FSIP2: variants seen among roughly 807,000 people sequenced by gnomAD.
FSIP2 encodes fibrous sheath interacting protein 2.
FSIP2 carries 367 observed loss-of-function variants against 510.5 expected under a neutral mutation model. The observed-to-expected ratio is 0.72, with a 90% confidence interval of 0.66 to 0.78. The LOEUF (loss-of-function observed/expected upper bound fraction) is 0.78, where lower values mean the gene tolerates loss of function less well. FSIP2 is among the 30% of genes least tolerant of loss of function. FSIP2 has a pLI of 0.00. For missense variants in FSIP2, 7,594 were observed against 7,901.7 expected, an observed-to-expected ratio of 0.96 and a Z score of 1.48; for synonymous variants, 2,601 against 2,732.2, an observed-to-expected ratio of 0.95 and a Z score of 1.50.
chr2:185,822,897 C>T (rs571591375), intron 19 of FSIP2, among the ~76,000 whole-genome samples: 2 of 151,972 alleles, frequency 1.3e-5, no homozygotes, highest in East Asian at 3.9e-4. Flanking sequence ...CAGAGATAAA[C>T]TCTTCCATAC....
At chr2:185,755,494 G>A (rs1559012501) in intron 8 of FSIP2, among the ~76,000 whole-genome samples, 1 of 151,538 alleles carries the variant, frequency 6.6e-6, no homozygotes, top group East Asian at 1.9e-4. Context: ...ATGAAAATGA[G>A]TTTAATTTAT....
chr2:185,828,301 G>A, intron 21 of FSIP2, 102 bp downstream of exon 21: 1 of 695,142 alleles, frequency 1.4e-6, no homozygotes, highest in East Asian at 2.7e-5. Flanking sequence ...TGATTTGAAG[G>A]ATATCAGAAA....
At position 185,818,770 on chromosome 2, in the gene FSIP2, A is replaced by G. The variant is rs77773919; in HGVS notation, c.20426+3299A>G. On this transcript the variant is annotated intron_variant, in intron 19 of 22. Transcript: ENST00000424728. ...AAATTAAGACATTCCAAGACAAGGA[A>G]AGGCTGAGGGAGTTCATTAACACTA... is the stretch of plus-strand genomic sequence containing the variant. Among the ~76,000 whole-genome samples, 829 of 152,038 alleles carry G rather than the reference A, an allele frequency of 5.5e-3. 5 individuals are homozygous for G. The highest frequency in any genetic ancestry group is 0.019 in the African/African-American group (795 of 41,556).
intron 4 of FSIP2, chr2:185,744,752 G>A (rs1371401197): frequency 1.3e-5 from 2 of 153,478 alleles, no homozygotes; most frequent in Middle Eastern, 3.1e-3. Context: ...ACCTAAAACA[G>A]TTTGAGCCAT....
rs550809107 is a variant in FSIP2, at chr2:185,742,587, A to G, written c.226-546A>G. On this transcript the variant is annotated intron_variant, in intron 2 of 22. Coordinates refer to ENST00000424728, the MANE Select transcript of FSIP2 (RefSeq NM_173651.4). ...GAGATTGTTGGTTCCTTGCATTAAA[A>G]ACCTCAAGATGCAATGACTCTTTAA... 2.6e-5 allele frequency among the ~76,000 whole-genome samples: 4 copies of G among 152,262 alleles called. No homozygotes were observed. The South Asian group carries it at 8.3e-4, about 32-fold the overall frequency.
Position 185,805,758 on chromosome 2 carries a change from A to G in FSIP2, c.16452A>G (p.Lys5484=). The change falls in exon 17 of 23, where the codon AAA becomes AAG. Residue 5484 remains lysine (K), a synonymous_variant. Transcript: ENST00000424728. Reference sequence around the variant, plus strand: ...AAACCAAGGACACATCAGTGAAAAAAGGTGACATCCAAAATCCAGTACTTA... The same window carrying G: ...AAACCAAGGACACATCAGTGAAAAAGGGTGACATCCAAAATCCAGTACTTA... ...SFKTKDTSVK[K]GDIQNPVLSS... 2 of 1,600,244 alleles carry G rather than the reference A, an allele frequency of 1.2e-6. No individual in the cohort carries two copies. The highest frequency in any genetic ancestry group is 1.7e-6 in the Non-Finnish European group (2 of 1,175,698).
chr2:185,752,067 A>ATT (rs34440618), intron 7 of FSIP2, among the ~76,000 whole-genome samples: 4 of 148,992 alleles, frequency 2.7e-5, no homozygotes, highest in Admixed American at 6.7e-5. Flanking sequence ...ATCTGCTATC[A>ATT]TTTTTTTTTC....
In FSIP2 at chr2:185,807,306, TTCA is replaced by T. The variant is rs774956774; in HGVS notation, c.18004_18006del (p.Ser6002del). On this transcript the variant is annotated inframe_deletion, in exon 17 of 23. Coordinates refer to ENST00000424728, the MANE Select transcript of FSIP2 (RefSeq NM_173651.4). ...AAACAGCCAGCAAAGAATGTCAAAC[TTCA>T]TCACCATATACAATAATATTACCTC... The T allele has an allele frequency of 3.7e-6, 6 of 1,612,774 alleles. No homozygotes were observed. In the South Asian group the frequency reaches 6.6e-5, roughly 18 times the overall value.
chr2:185,800,023 A>G lies in FSIP2; in HGVS notation c.10717A>G (p.Ile3573Val). ...TATTAAAATTCTTTTTAATAATAAA[A>G]TTATACAGGCTGACATTGCACAGAA... ...IIIKILFNNK[I>V]IQADIAQKMV... Residue 3573 changes from isoleucine (I) to valine (V), a missense_variant, in exon 17 of 23, where the codon ATT becomes GTT. Physicochemically the swap from Ile to Val is conservative, Grantham distance 29. Coordinates refer to ENST00000424728, the MANE Select transcript of FSIP2 (RefSeq NM_173651.4). 6.6e-7 allele frequency: 1 copy of G among 1,521,042 alleles called. No homozygotes were observed. Among genetic ancestry groups the G allele is most frequent in the Non-Finnish European group, 8.8e-7 (1 of 1,137,658 alleles). 94.2% of individuals were successfully genotyped at this position (1,521,042 alleles called of 1,614,324 possible). A position where few individuals can be genotyped will look rare whatever the true frequency, so the allele number is the denominator to read the frequency against.
In FSIP2 at chr2:185,800,477, G is replaced by T. The variant is rs181404625; in HGVS notation, c.11171G>T (p.Arg3724Ile). ...DTGMDSGKIQ[R>I]TYFYSSNNEQ... ...GGTATGGATTCTGGTAAAATACAAA[G>T]AACATATTTCTACTCCTCGAATAAT... is the stretch of plus-strand genomic sequence containing the variant. The change falls in exon 17 of 23, where the codon AGA becomes ATA. Residue 3724 changes from arginine to isoleucine, a missense_variant. Coordinates refer to ENST00000424728, the MANE Select transcript of FSIP2 (RefSeq NM_173651.4). 7.0e-5 allele frequency: 107 copies of T among 1,533,150 alleles called. No homozygotes were observed. In the East Asian group the frequency reaches 2.4e-3, roughly 34 times the overall value. 95.0% of individuals were successfully genotyped at this position (1,533,150 alleles called of 1,614,324 possible).
chr2:185,771,086 C>T (rs1692598563), intron 13 of FSIP2, among the ~76,000 whole-genome samples: 1 of 152,182 alleles, frequency 6.6e-6, no homozygotes, highest in Non-Finnish European at 1.5e-5. Context: ...ATTAGGCAGC[C>T]CCACCACTGT....
Position 185,794,979 on chromosome 2 carries a change from G to C in FSIP2, c.7843G>C (p.Val2615Leu). ...TTATGTCGACAGTCAAAATATCTCT[G>C]TGATGGAAAACACTCTTTTGCCATA... ...YSYVDSQNIS[V>L]MENTLLPYLP... The change falls in exon 16 of 23, where the codon GTG becomes CTG. Residue 2615 changes from valine to leucine, a missense_variant. Physicochemically the swap from Val to Leu is conservative, Grantham distance 32 (BLOSUM62 1). Coordinates refer to ENST00000424728, the MANE Select transcript of FSIP2 (RefSeq NM_173651.4). The C allele has an allele frequency of 6.5e-7, 1 of 1,533,926 alleles. No homozygotes were observed. Among genetic ancestry groups the C allele is most frequent in the Non-Finnish European group, 8.7e-7 (1 of 1,145,662 alleles).
At chr2:185,815,711 G>A (rs1219885826) in intron 19 of FSIP2, among the ~76,000 whole-genome samples, 2 of 151,940 alleles carry the variant, frequency 1.3e-5, no homozygotes, top group Admixed American at 1.3e-4. Flanking sequence ...TAGTGTATCA[G>A]TGTCTTATAT....
At position 185,795,145 on chromosome 2, in the gene FSIP2, T is replaced by C. The variant is rs1276974406; in HGVS notation, c.8009T>C (p.Ile2670Thr). The change falls in exon 16 of 23, where the codon ATT (isoleucine) becomes ACT (threonine). Residue 2670 changes from isoleucine to threonine, a missense_variant. Ile to Thr is a moderately conservative substitution (Grantham distance 89). Coordinates refer to ENST00000424728, the MANE Select transcript of FSIP2 (RefSeq NM_173651.4). Reference sequence around the variant, plus strand: ...GCACATTTAAAAACAAGATCAAAAATTACCACTTTGCCTAAATTTACAAAA... The same window carrying C: ...GCACATTTAAAAACAAGATCAAAAACTACCACTTTGCCTAAATTTACAAAA... ...FKAHLKTRSK[I>T]TTLPKFTKKT... 3 of 1,534,772 alleles carry C rather than the reference T, an allele frequency of 2.0e-6. No homozygotes were observed. The Admixed American group carries it at 5.9e-5, about 30-fold the overall frequency.
Position 185,793,764 on chromosome 2 carries a change from A to C in FSIP2, c.6628A>C (p.Lys2210Gln). 1 of 1,533,368 alleles carries C rather than the reference A, an allele frequency of 6.5e-7. No homozygotes were observed. 95.0% of individuals were successfully genotyped at this position (1,533,368 alleles called of 1,614,324 possible). Residue 2210 changes from lysine (K) to glutamine (Q), a missense_variant, in exon 16 of 23, where the codon AAA (lysine) becomes CAA (glutamine). By Grantham distance (53) the Lys-to-Gln change is moderately conservative (BLOSUM62 1). Transcript: ENST00000424728. Reference protein sequence around the residue: ...QPLKGSKTERKTERFSYSRNQ... With the variant: ...QPLKGSKTERQTERFSYSRNQ... ...TCTTAAGGGGTCAAAAACTGAAAGA[A>C]AAACAGAGCGTTTTTCATATTCAAG...
chr2:185,795,812 A>G lies in FSIP2; in HGVS notation c.8676A>G (p.Glu2892=). The change falls in exon 16 of 23, where the codon GAA becomes GAG. Residue 2892 remains glutamate, a synonymous_variant. Coordinates refer to ENST00000424728, the MANE Select transcript of FSIP2 (RefSeq NM_173651.4). ...ATTTGCCCCCTCTTGAGAATTGTGA[A>G]AGCAGGTTTTATAATCATTTTAAAG... is the stretch of plus-strand genomic sequence containing the variant. ...LLNLPPLENC[E]SRFYNHFKGA... The G allele has an allele frequency of 6.5e-7, 1 of 1,534,046 alleles. No homozygotes were observed. Among genetic ancestry groups the G allele is most frequent in the Non-Finnish European group, 8.7e-7 (1 of 1,145,416 alleles).
At chr2:185,809,247 A>G in intron 17 of FSIP2, 114 bp downstream of exon 17, 1 of 1,164,000 alleles carries the variant, frequency 8.6e-7, no homozygotes, top group South Asian at 2.0e-5. Context: ...GGTGTTTCTC[A>G]GCCCAATAGG....
chr2:185,819,281 G>T (rs2105675743), intron 19 of FSIP2, among the ~76,000 whole-genome samples: 1 of 152,018 alleles, frequency 6.6e-6, no homozygotes, highest in South Asian at 2.1e-4. Flanking sequence ...TGGAAGAAAT[G>T]AAGGACAAAA....
In FSIP2 at chr2:185,760,969, C is replaced by A. The variant is rs551535789; in HGVS notation, c.1079-19C>A. 16 of 981,784 alleles carry A rather than the reference C, an allele frequency of 1.6e-5. 1 individual carries two copies. The Admixed American group carries it at 3.7e-4, about 23-fold the overall frequency. The allele number at this position is 981,784 out of a possible 1,614,324, so 60.8% of individuals were successfully genotyped here. On this transcript the variant is annotated intron_variant, in intron 9 of 22. Coordinates refer to ENST00000424728, the MANE Select transcript of FSIP2 (RefSeq NM_173651.4). ...AAAAAAAAAAAAAACTATAGAGTTTCTCTCTCGTTTTCTTTTAGGACATAC... is the reference window on the plus strand; with the variant it reads ...AAAAAAAAAAAAAACTATAGAGTTTATCTCTCGTTTTCTTTTAGGACATAC...
Sources: gnomAD v4.1 joint callset for allele counts (sites outside exome capture counted in the v4.1 genomes callset) on GRCh38, gnomAD v4.1.1 for gene constraint, MANE v1.5 for transcripts, NCBI Gene and HGNC (gene_info 2026-07-23, HGNC 2026-07-21) for gene names.